ABCB1: variants seen among roughly 807,000 people sequenced by gnomAD.
ABCB1 encodes ATP binding cassette subfamily B member 1, also known as ATP-dependent translocase ABCB1.
In ABCB1, 69 loss-of-function variants were observed where a neutral mutation model predicts 142.0. The observed-to-expected ratio is 0.49, with a 90% CI of 0.40 to 0.59. The LOEUF is 0.59. ABCB1 is among the 20% of genes least tolerant of loss of function. ABCB1 has a pLI of 0.00. For synonymous variants in ABCB1, 532 were observed against 539.2 expected, an observed-to-expected ratio of 0.99 and a Z score of 0.18; for missense variants, 1,326 against 1,554.7, an observed-to-expected ratio of 0.85 and a Z score of 2.47.
intron 1 of ABCB1, among the ~76,000 whole-genome samples, chr7:87,687,615 A>C (rs1827598525): frequency 6.6e-6 from 1 of 152,332 alleles, no homozygotes; most frequent in East Asian, 1.9e-4. Flanking sequence ...ATATGGCAGA[A>C]ACTCAGTCAT....
At chr7:87,626,151 GTCATATATATGTGTCATATATAT>G (rs1820467512) in intron 1 of ABCB1, among the ~76,000 whole-genome samples, 3 of 131,438 alleles carry the variant, frequency 2.3e-5, no homozygotes, top group Non-Finnish European at 4.8e-5. Flanking sequence ...CATATATATT[GTCATATATATGTGTCATATATAT>G]TGTCATATAT....
At chr7:87,655,381 A>G (rs1823995247) in intron 1 of ABCB1, among the ~76,000 whole-genome samples, 2 of 152,166 alleles carry the variant, frequency 1.3e-5, no homozygotes, top group South Asian at 4.1e-4. Flanking sequence ...ATGGAATGCT[A>G]TTCAGCCTTT....
intron 27 of ABCB1, 83 bp downstream of exon 27, chr7:87,505,814 G>A (rs2117058030): frequency 2.0e-6 from 3 of 1,515,084 alleles, no homozygotes; most frequent in Non-Finnish European, 2.7e-6. Context: ...TAATCTGGCT[G>A]CATTTTGTTC....
Position 87,626,909 on chromosome 7 carries a change from G to A in ABCB1, c.-330-25831C>T, listed in dbSNP as rs192975506. ...TCCTGCCTCAGCCTACCGAGTAGCT[G>A]CCACTACAGGCGCGTGCCACCACAC... On this transcript the variant is annotated intron_variant, in intron 1 of 28. Coordinates refer to the ABCB1 transcript ENST00000265724. Among the ~76,000 whole-genome samples, 720 of 152,058 alleles carry A rather than the reference G, an allele frequency of 4.7e-3. 3 individuals are homozygous for A. Among genetic ancestry groups the A allele is most frequent in the African/African-American group, 0.017 (689 of 41,486 alleles).
chr7:87,547,850 CAA>C (rs1210127693), intron 14 of ABCB1, among the ~76,000 whole-genome samples: 3 of 42,020 alleles, frequency 7.1e-5, no homozygotes, highest in Admixed American at 3.8e-4. Context: ...GACTCCATCT[CAA>C]AAAAAAAAAA....
At chr7:87,659,037 CCA>C (rs1461119904) in intron 1 of ABCB1, among the ~76,000 whole-genome samples, 1 of 152,022 alleles carries the variant, frequency 6.6e-6, no homozygotes, top group African/African-American at 2.4e-5. Flanking sequence ...TCTGTGGGTC[CCA>C]CCTATTTGGG....
At chr7:87,694,698 G>C (rs537274229) in intron 1 of ABCB1, among the ~76,000 whole-genome samples, 1 of 151,468 alleles carries the variant, frequency 6.6e-6, no homozygotes, top group Non-Finnish European at 1.5e-5. Context: ...GACTTCAGCC[G>C]TCATGTACGA....
intron 1 of ABCB1, among the ~76,000 whole-genome samples, chr7:87,643,490 G>T (rs1822657604): frequency 6.6e-6 from 1 of 152,084 alleles, no homozygotes; most frequent in African/African-American, 2.4e-5. Context: ...AAAAGAAAGA[G>T]GAAAATACAC....
At chr7:87,547,140 C>T (rs956134617) in intron 14 of ABCB1, among the ~76,000 whole-genome samples, 1 of 152,142 alleles carries the variant, frequency 6.6e-6, no homozygotes, top group East Asian at 1.9e-4. Context: ...CTCTATATGT[C>T]TCTCTAATAA....
intron 1 of ABCB1, among the ~76,000 whole-genome samples, chr7:87,620,555 C>T (rs1294845060): frequency 2.6e-5 from 4 of 152,198 alleles, no homozygotes; most frequent in African/African-American, 4.8e-5. Context: ...AAAATTACTT[C>T]GTGGAATTGG....
chr7:87,684,746 CAAAAAAAAA>C (rs71524694), intron 1 of ABCB1, among the ~76,000 whole-genome samples: 2 of 37,784 alleles, frequency 5.3e-5, no homozygotes, highest in African/African-American at 3.6e-4. Flanking sequence ...GACTCCGTCT[CAAAAAAAAA>C]AAAAAAAAAA....
intron 1 of ABCB1, among the ~76,000 whole-genome samples, chr7:87,644,431 T>C (rs1822776666): frequency 2.0e-5 from 3 of 152,242 alleles, no homozygotes; most frequent in South Asian, 4.1e-4. Flanking sequence ...ATAAGGAATA[T>C]TGTAAATTTG....
chr7:87,534,350 A>G (rs1816186058), intron 20 of ABCB1, among the ~76,000 whole-genome samples: 1 of 152,158 alleles, frequency 6.6e-6, no homozygotes, highest in Non-Finnish European at 1.5e-5. Context: ...CCTTTATTCC[A>G]AAGACTAATG....
chr7:87,700,775 A>G (rs1828961612), intron 1 of ABCB1, among the ~76,000 whole-genome samples: 2 of 152,210 alleles, frequency 1.3e-5, no homozygotes, highest in Admixed American at 1.3e-4. Flanking sequence ...CCCTTTCTTT[A>G]ATGGGTACAA....
rs1371932322 is a variant in ABCB1 at position 87,519,562 on chromosome 7, C to A, written c.2787-96G>T. 3.4e-6 allele frequency: 5 copies of A among 1,474,810 alleles called. No individual in the cohort carries two copies. The East Asian group carries it at 6.8e-5, about 20-fold the overall frequency. The allele number at this position is 1,474,810 out of a possible 1,614,324, so 91.4% of individuals were successfully genotyped here. On this transcript the variant is annotated intron_variant, in intron 22 of 27. Transcript: ENST00000622132. Reference sequence around the variant, plus strand: ...TTGGCAGTAGGGCACAGAGGCATGACCAACAAAAATGGGTTTCGTTTCCAA... The same window carrying A: ...TTGGCAGTAGGGCACAGAGGCATGAACAACAAAAATGGGTTTCGTTTCCAA...
At chr7:87,523,337 A>G (rs1443143443) in intron 21 of ABCB1, among the ~76,000 whole-genome samples, 1 of 152,130 alleles carries the variant, frequency 6.6e-6, no homozygotes, top group Non-Finnish European at 1.5e-5. Flanking sequence ...TGTTTTCCAG[A>G]AAGTTTTGGG....
At chr7:87,674,886 C>T (rs1189730129) in intron 1 of ABCB1, among the ~76,000 whole-genome samples, 3 of 152,150 alleles carry the variant, frequency 2.0e-5, no homozygotes, top group African/African-American at 7.2e-5. Flanking sequence ...AGGCTAAAGG[C>T]TCCCACAGGA....
intron 1 of ABCB1, among the ~76,000 whole-genome samples, chr7:87,619,573 C>G (rs2130088981): frequency 6.6e-6 from 1 of 150,820 alleles, no homozygotes; most frequent in East Asian, 1.9e-4. Flanking sequence ...TGACAAATAT[C>G]TGAATGATAA....
chr7:87,570,310 A>G, intron 4 of ABCB1, 87 bp from the exon 5 acceptor site: 1 of 1,246,472 alleles, frequency 8.0e-7, no homozygotes, highest in South Asian at 1.2e-5. Context: ...AACTCATTTC[A>G]TTTAATGATT....
Sources: allele counts gnomAD v4.1 joint callset (sites outside exome capture counted in the v4.1 genomes callset), GRCh38; gene constraint gnomAD v4.1.1; transcripts MANE v1.5; gene names NCBI Gene and HGNC (gene_info 2026-07-23, HGNC 2026-07-21).